The following ATP2B2 variants were observed in gnomAD, a reference collection of about 807,000 sequenced individuals.
ATP2B2 encodes ATPase plasma membrane Ca2+ transporting 2.
A neutral mutation model predicts 120.0 loss-of-function variants in ATP2B2; 15 were observed. The observed-to-expected ratio is 0.12, with a 90% CI of 0.08 to 0.19. The LOEUF (loss-of-function observed/expected upper bound fraction) is 0.19, where lower values mean the gene tolerates loss of function less well. ATP2B2 is among the 10% of genes least tolerant of loss of function. The pLI is 1.00. For synonymous variants in ATP2B2, 694 were observed against 700.3 expected (o/e 0.99, Z 0.14); for missense variants, 1,045 against 1,719.8 (o/e 0.61, Z 6.94).
intron 22 of ATP2B2, chr3:10,330,082 G>C (rs2059936965): frequency 6.5e-6 from 1 of 152,996 alleles, no homozygotes; most frequent in Non-Finnish European, 1.5e-5. Context: ...AACGAGGCTG[G>C]AATCAGATGG....
intron 2 of ATP2B2, among the ~76,000 whole-genome samples, chr3:10,609,984 T>G (rs2069184954): frequency 6.6e-6 from 1 of 152,128 alleles, no homozygotes; most frequent in Non-Finnish European, 1.5e-5. Context: ...GGAAAAATCC[T>G]GACTCAGTCT....
At chr3:10,634,443 C>G (rs2069962925) in intron 1 of ATP2B2, among the ~76,000 whole-genome samples, 1 of 152,248 alleles carries the variant, frequency 6.6e-6, no homozygotes, top group Non-Finnish European at 1.5e-5. Context: ...CAAACAACTT[C>G]TCCACTAGGA....
intron 14 of ATP2B2, among the ~76,000 whole-genome samples, chr3:10,355,866 GATCGAGACCATCC>G (rs1316797984): frequency 6.6e-5 from 3 of 45,478 alleles, no homozygotes; most frequent in African/African-American, 1.3e-4. Flanking sequence ...GAGGTCAGGA[GATCGAGACCATCC>G]TGGCTAACAC....
intron 2 of ATP2B2, among the ~76,000 whole-genome samples, chr3:10,431,270 T>G (rs537401411): frequency 1.3e-5 from 2 of 152,276 alleles, no homozygotes; most frequent in Admixed American, 1.3e-4. Context: ...TGGTCTACTG[T>G]GGGTAAAATG....
At chr3:10,607,805 G>A (rs960772567) in intron 2 of ATP2B2, among the ~76,000 whole-genome samples, 1 of 152,246 alleles carries the variant, frequency 6.6e-6, no homozygotes, top group Non-Finnish European at 1.5e-5. Context: ...TGGAGGGTGT[G>A]TGGATGATAA....
At chr3:10,642,831 C>T (rs2125653924) in intron 1 of ATP2B2, among the ~76,000 whole-genome samples, 1 of 152,260 alleles carries the variant, frequency 6.6e-6, no homozygotes, top group East Asian at 1.9e-4. Context: ...CTCTGGCCCC[C>T]CAGCCCTGAG....
intron 2 of ATP2B2, among the ~76,000 whole-genome samples, chr3:10,591,993 T>A (rs562022586): frequency 2.6e-5 from 4 of 152,028 alleles, no homozygotes; most frequent in Non-Finnish European, 5.9e-5. Context: ...GAGGCCAAAT[T>A]TGAGCAGGAA....
At chr3:10,604,085 A>C (rs933123401) in intron 2 of ATP2B2, among the ~76,000 whole-genome samples, 7 of 152,044 alleles carry the variant, frequency 4.6e-5, no homozygotes, top group Non-Finnish European at 8.8e-5. Context: ...AGATGCCCCA[A>C]CTTGGTGAGA....
intron 1 of ATP2B2, among the ~76,000 whole-genome samples, chr3:10,470,940 G>T (rs1205424538): frequency 2.0e-5 from 3 of 152,206 alleles, no homozygotes; most frequent in Non-Finnish European, 4.4e-5. Context: ...CCCACTGACA[G>T]CACGGGGGAC....
chr3:10,490,809 G>A lies in ATP2B2; in HGVS notation c.-320+14656C>T, dbSNP rs929579116. 2.0e-5 allele frequency among the ~76,000 whole-genome samples: 3 copies of A among 152,188 alleles called. No homozygotes were observed. The South Asian group carries it at 6.2e-4, about 32-fold the overall frequency. ...CCTGCAACTGGCAGGGGTGGAGCCA[G>A]GGGGACTGGAAGATCACTTTGGCCT... On this transcript the variant is annotated intron_variant, in intron 1 of 22. Transcript: ENST00000360273.
At chr3:10,671,409 G>T (rs1575609729) in intron 1 of ATP2B2, among the ~76,000 whole-genome samples, 2 of 152,272 alleles carry the variant, frequency 1.3e-5, no homozygotes, top group Admixed American at 1.3e-4. Context: ...CACAGATCAT[G>T]TGCGGCCCTT....
intron 1 of ATP2B2, among the ~76,000 whole-genome samples, chr3:10,501,372 G>A (rs73811915): frequency 8.7e-5 from 12 of 138,062 alleles, no homozygotes; most frequent in Non-Finnish European, 1.2e-4. Context: ...TTTTTTAAAC[G>A]GTTTTTTTTT....
chr3:10,526,793 C>T (rs546694400), intron 3 of ATP2B2, among the ~76,000 whole-genome samples: 28 of 152,146 alleles, frequency 1.8e-4, no homozygotes, highest in Non-Finnish European at 2.5e-4. Flanking sequence ...TGACTGCTGG[C>T]GAGTCCCTTC....
At chr3:10,589,771 G>A (rs1456358349) in intron 2 of ATP2B2, among the ~76,000 whole-genome samples, 1 of 152,158 alleles carries the variant, frequency 6.6e-6, no homozygotes. Context: ...AATAAACACT[G>A]CCAACAATCC....
At chr3:10,481,149 C>T (rs1442510255) in intron 1 of ATP2B2, among the ~76,000 whole-genome samples, 1 of 152,244 alleles carries the variant, frequency 6.6e-6, no homozygotes, top group Non-Finnish European at 1.5e-5. Flanking sequence ...CATTTGAGCA[C>T]TAGGATCCAG....
At chr3:10,414,689 G>A (rs989330550) in intron 2 of ATP2B2, among the ~76,000 whole-genome samples, 2 of 152,160 alleles carry the variant, frequency 1.3e-5, no homozygotes, top group African/African-American at 4.8e-5. Flanking sequence ...TAAGTTGCTA[G>A]TTTGAGACCC....
At chr3:10,419,374 T>C (rs1344478515) in intron 2 of ATP2B2, among the ~76,000 whole-genome samples, 3 of 152,254 alleles carry the variant, frequency 2.0e-5, no homozygotes, top group African/African-American at 7.2e-5. Flanking sequence ...GTGCTTGGCA[T>C]ATACTGGCCT....
intron 2 of ATP2B2, among the ~76,000 whole-genome samples, chr3:10,535,889 G>A (rs996756358): frequency 6.6e-6 from 1 of 151,912 alleles, no homozygotes; most frequent in African/African-American, 2.4e-5. Context: ...GCAATTGTTG[G>A]GTTGTATGGC....
rs771334950 is a variant in ATP2B2 at position 10,345,384 on chromosome 3, C to T, written c.2703G>A (p.Gln901=). 2.5e-6 allele frequency: 4 copies of T among 1,614,192 alleles called. No individual in the cohort carries two copies. The highest frequency in any genetic ancestry group is 3.4e-6 in the Non-Finnish European group (4 of 1,180,016). The change falls in exon 18 of 23, where the codon CAG becomes CAA. Residue 901 remains glutamine, a splice_region_variant and synonymous_variant. Coordinates refer to ENST00000360273, the MANE Select transcript of ATP2B2 (RefSeq NM_001001331.4). ...TTGGTGTGGTCTCCTGCGGACCCAC[C>T]TGCGTGATGCAGGCGCCTGTGAAGG... ...IVAFTGACIT[Q]DSPLKAVQML...
Sources: allele counts gnomAD v4.1 joint callset (sites outside exome capture counted in the v4.1 genomes callset), GRCh38; gene constraint gnomAD v4.1.1; transcripts MANE v1.5; gene names NCBI Gene and HGNC (gene_info 2026-07-23, HGNC 2026-07-21).